SAMMSON: variants seen among roughly 807,000 people sequenced by gnomAD.
SAMMSON encodes the protein long intergenic non-protein coding RNA 1212.
chr3:70,065,985 A>G (rs2067209385), intron 3 of SAMMSON, among the ~76,000 whole-genome samples: 1 of 152,180 alleles, frequency 6.6e-6, no homozygotes, highest in Admixed American at 6.5e-5. Context: ...AGGCAGTTAC[A>G]TGCTGGTGAG....
At chr3:70,045,696 T>C (rs1240631971) in intron 3 of SAMMSON, among the ~76,000 whole-genome samples, 1 of 152,084 alleles carries the variant, frequency 6.6e-6, no homozygotes, top group Admixed American at 6.6e-5. Context: ...TTAAATTGCA[T>C]ATATTAAATG....
At chr3:70,009,025 G>C (rs1489605142) in intron 1 of SAMMSON, 1 of 152,212 alleles carries the variant, frequency 6.6e-6, no homozygotes, top group Non-Finnish European at 1.5e-5. Context: ...TTGATGTGCT[G>C]CTGGATTTGG....
intron 4 of SAMMSON, among the ~76,000 whole-genome samples, chr3:70,079,190 G>A (rs992689398): frequency 3.9e-5 from 6 of 152,140 alleles, no homozygotes; most frequent in Non-Finnish European, 7.4e-5. Context: ...ATCAAATTCT[G>A]GTTTCTCTAT....
At position 70,348,811 on chromosome 3, in the gene SAMMSON, T is replaced by C. The variant is rs190493167; in HGVS notation, n.740-5364T>C. ...GCTGTTAAAAGAACTGTGTTTTTTT[T>C]CCCAAGGAACATGGGAGCTCTGCGA... On this transcript the variant is annotated intron_variant and non_coding_transcript_variant, in intron 7 of 9. Coordinates refer to ENST00000642114, the Ensembl canonical transcript of SAMMSON. Among the ~76,000 whole-genome samples the C allele has an allele frequency of 2.1e-3, 320 of 152,226 alleles. 2 individuals carry two copies. Among genetic ancestry groups the C allele is most frequent in the African/African-American group, 6.7e-3 (280 of 41,524 alleles).
At chr3:70,409,317 G>C (rs1446976250) in intron 2 of SAMMSON, among the ~76,000 whole-genome samples, 2 of 151,962 alleles carry the variant, frequency 1.3e-5, no homozygotes, top group Non-Finnish European at 2.9e-5. Context: ...CAGGATATGA[G>C]AATTTGGAAA....
chr3:70,161,360 T>G (rs747240250), intron 4 of SAMMSON, among the ~76,000 whole-genome samples: 1 of 151,990 alleles, frequency 6.6e-6, no homozygotes, highest in Non-Finnish European at 1.5e-5. Flanking sequence ...ATTCCAAGCT[T>G]GTTGAGAGCT....
At chr3:70,060,154 C>T (rs2067182418) in intron 3 of SAMMSON, among the ~76,000 whole-genome samples, 1 of 152,116 alleles carries the variant, frequency 6.6e-6, no homozygotes, top group Non-Finnish European at 1.5e-5. Flanking sequence ...TCTGTTAGTG[C>T]AAGACTTACT....
intron 4 of SAMMSON, among the ~76,000 whole-genome samples, chr3:70,166,810 C>G (rs765418188): frequency 6.6e-6 from 1 of 151,888 alleles, no homozygotes; most frequent in African/African-American, 2.4e-5. Context: ...TCATTGATGT[C>G]CATGGTTTGT....
rs142332201 is a variant in SAMMSON, at chr3:70,100,025, C to T, written n.507+28460C>T. On this transcript the variant is annotated intron_variant and non_coding_transcript_variant, in intron 4 of 9. Transcript: ENST00000642114. ...TTCCTGAATGGCCTACCAGAAATGG[C>T]TGGTGAAATGGCCTTCCGAGGAAAT... Among the ~76,000 whole-genome samples, 440 of 152,312 alleles carry T rather than the reference C, an allele frequency of 2.9e-3. 1 individual carries two copies. Among genetic ancestry groups the T allele is most frequent in the Non-Finnish European group, 2.8e-3 (188 of 68,020 alleles).
At chr3:70,333,588 G>A (rs1031037991) in intron 7 of SAMMSON, among the ~76,000 whole-genome samples, 10 of 151,988 alleles carry the variant, frequency 6.6e-5, no homozygotes, top group Non-Finnish European at 1.2e-4. Context: ...AAAACCATCC[G>A]GGCCTTGATT....
chr3:70,207,264 A>T lies in SAMMSON; in HGVS notation n.508-41843A>T, dbSNP rs544602254. Among the ~76,000 whole-genome samples the T allele has an allele frequency of 8.5e-5, 13 of 152,204 alleles. No homozygotes were observed. In the East Asian group the frequency reaches 2.5e-3, roughly 29 times the overall value. On this transcript the variant is annotated intron_variant and non_coding_transcript_variant, in intron 4 of 9. Transcript: ENST00000642114. ...CTCATTTTCCTCCTCTGTAAAAAGAAAAATGCATATAAATGAATAGTCTAT... is the reference window on the plus strand; with the variant it reads ...CTCATTTTCCTCCTCTGTAAAAAGATAAATGCATATAAATGAATAGTCTAT...
chr3:70,347,740 A>C (rs555091278), intron 7 of SAMMSON, among the ~76,000 whole-genome samples: 4 of 152,290 alleles, frequency 2.6e-5, no homozygotes, highest in African/African-American at 9.6e-5. Flanking sequence ...CATCAGAAAT[A>C]AGACATATGG....
intron 7 of SAMMSON, among the ~76,000 whole-genome samples, chr3:70,353,943 C>T (rs2106736270): frequency 6.6e-6 from 1 of 152,054 alleles, no homozygotes; most frequent in South Asian, 2.1e-4. Context: ...GGATAAAAGC[C>T]AATTTGAAAG....
At chr3:70,166,332 A>G (rs1346758434) in intron 4 of SAMMSON, among the ~76,000 whole-genome samples, 1 of 152,034 alleles carries the variant, frequency 6.6e-6, no homozygotes, top group Non-Finnish European at 1.5e-5. Context: ...TATTGCTATG[A>G]TGGTGGCTTG....
At chr3:70,142,553 G>A (rs2067532234) in intron 4 of SAMMSON, among the ~76,000 whole-genome samples, 1 of 152,042 alleles carries the variant, frequency 6.6e-6, no homozygotes, top group African/African-American at 2.4e-5. Context: ...GTGGGAAAGG[G>A]GTGAGTGATA....
intron 4 of SAMMSON, among the ~76,000 whole-genome samples, chr3:70,226,508 C>T (rs1163542472): frequency 6.6e-6 from 1 of 152,010 alleles, no homozygotes; most frequent in Non-Finnish European, 1.5e-5. Flanking sequence ...GAGGCTGAGG[C>T]ATGTGGATTA....
chr3:70,412,110 G>A (rs143059432), intron 2 of SAMMSON, among the ~76,000 whole-genome samples: 7 of 152,170 alleles, frequency 4.6e-5, no homozygotes, highest in Admixed American at 1.3e-4. Flanking sequence ...AGCTTTTAAA[G>A]GACTAATTCA....
At chr3:70,372,954 T>C (rs1702983154) in intron 9 of SAMMSON, among the ~76,000 whole-genome samples, 1 of 152,194 alleles carries the variant, frequency 6.6e-6, no homozygotes, top group Admixed American at 6.5e-5. Flanking sequence ...TTATAATTGT[T>C]TTAAAATCTT....
intron 3 of SAMMSON, among the ~76,000 whole-genome samples, chr3:70,052,985 GA>G (rs887007342): frequency 6.6e-6 from 1 of 152,018 alleles, no homozygotes; most frequent in African/African-American, 2.4e-5. Flanking sequence ...GTATATTAAA[GA>G]AAAAAGTCAA....
Sources: gnomAD v4.1 joint callset for allele counts (sites outside exome capture counted in the v4.1 genomes callset) on GRCh38, gnomAD v4.1.1 for gene constraint, MANE v1.5 for transcripts, NCBI Gene and HGNC (gene_info 2026-07-23, HGNC 2026-07-21) for gene names.